The following NOL4 variants were observed in gnomAD, a reference collection of about 807,000 sequenced individuals.
The protein encoded by NOL4 is cancer/testis antigen 125.
Under a neutral mutation model 75.9 loss-of-function variants are expected in NOL4, and 17 were observed. The observed-to-expected ratio is 0.22, with a 90% CI of 0.15 to 0.34. The LOEUF (loss-of-function observed/expected upper bound fraction) is 0.34, where lower values mean the gene tolerates loss of function less well. Among genes scored for constraint, NOL4 ranks in the 10% least tolerant of loss-of-function variants. The pLI is 1.00. For missense variants in NOL4, 614 were observed against 793.5 expected (o/e 0.77, Z 2.72); for synonymous variants, 292 against 289.9 (o/e 1.01, Z -0.07).
chr18:33,993,441 T>C (rs1193171831), intron 6 of NOL4, among the ~76,000 whole-genome samples: 1 of 151,760 alleles, frequency 6.6e-6, no homozygotes, highest in African/African-American at 2.4e-5. Flanking sequence ...ATCAAGAAAG[T>C]CACTAACCAA....
At position 34,168,356 on chromosome 18, in the gene NOL4, T is replaced by C. The variant is rs2032650021; in HGVS notation, c.265-38336A>G. Reference sequence around the variant, plus strand: ...GTTTAAAAAGTTAAAATAAGAGATATAAATAAATTTTTTTTAGCCAGAAAA... The same window carrying C: ...GTTTAAAAAGTTAAAATAAGAGATACAAATAAATTTTTTTTAGCCAGAAAA... On this transcript the variant is annotated intron_variant, in intron 1 of 10. Transcript: ENST00000261592. Among the ~76,000 whole-genome samples, 4 of 151,686 alleles carry C rather than the reference T, an allele frequency of 2.6e-5. No individual in the cohort carries two copies. The South Asian group carries it at 8.3e-4, about 31-fold the overall frequency.
At chr18:34,122,417 T>A (rs1424599403) in intron 2 of NOL4, among the ~76,000 whole-genome samples, 1 of 152,054 alleles carries the variant, frequency 6.6e-6, no homozygotes, top group Non-Finnish European at 1.5e-5. Context: ...AGAAGTAAGC[T>A]TTTCATTACC....
At chr18:34,171,849 T>C (rs1209913148) in intron 1 of NOL4, among the ~76,000 whole-genome samples, 2 of 152,154 alleles carry the variant, frequency 1.3e-5, no homozygotes, top group Non-Finnish European at 1.5e-5. Context: ...AGCATTAAAT[T>C]AAGACTCTTA....
At chr18:34,079,121 T>C (rs941255693) in intron 5 of NOL4, among the ~76,000 whole-genome samples, 2 of 152,290 alleles carry the variant, frequency 1.3e-5, no homozygotes, top group Middle Eastern at 3.4e-3. Context: ...GTAACTTTTG[T>C]CAGGATTCTA....
At chr18:34,013,427 C>T (rs2074493289) in intron 6 of NOL4, among the ~76,000 whole-genome samples, 1 of 151,906 alleles carries the variant, frequency 6.6e-6, no homozygotes, top group South Asian at 2.1e-4. Flanking sequence ...AAAACACAAT[C>T]TGACCACACT....
chr18:33,925,546 T>C (rs369277205), intron 9 of NOL4, among the ~76,000 whole-genome samples: 12 of 152,284 alleles, frequency 7.9e-5, no homozygotes, highest in African/African-American at 2.4e-4. Flanking sequence ...ATTAATGATA[T>C]AAAAATGCAA....
intron 2 of NOL4, among the ~76,000 whole-genome samples, chr18:34,117,213 A>G (rs776531957): frequency 9.2e-5 from 14 of 152,176 alleles, no homozygotes; most frequent in Admixed American, 8.5e-4. Flanking sequence ...CATGATCACT[A>G]TCATGATCTC....
chr18:34,187,738 A>G (rs1324105429), intron 1 of NOL4, among the ~76,000 whole-genome samples: 1 of 152,158 alleles, frequency 6.6e-6, no homozygotes, highest in African/African-American at 2.4e-5. Flanking sequence ...ATACCAGTTT[A>G]TTTAGCCAAT....
intron 3 of NOL4, 29 bp downstream of exon 3, chr18:34,105,020 T>C (rs1227155982): frequency 7.2e-7 from 1 of 1,392,468 alleles, no homozygotes; most frequent in African/African-American, 1.4e-5. Flanking sequence ...AAAATTACTT[T>C]AAATCTCACT....
intron 5 of NOL4, among the ~76,000 whole-genome samples, chr18:34,045,923 C>T (rs2076342309): frequency 6.6e-6 from 1 of 152,118 alleles, no homozygotes; most frequent in African/African-American, 2.4e-5. Flanking sequence ...AAAATACACA[C>T]ATCAACCATC....
At chr18:34,070,339 A>G (rs1416713152) in intron 5 of NOL4, among the ~76,000 whole-genome samples, 4 of 152,178 alleles carry the variant, frequency 2.6e-5, no homozygotes, top group Non-Finnish European at 4.4e-5. Flanking sequence ...TTTTTACACT[A>G]TAAAGTTTCA....
chr18:33,947,302 T>C (rs1366522646), intron 8 of NOL4, among the ~76,000 whole-genome samples: 1 of 151,754 alleles, frequency 6.6e-6, no homozygotes, highest in Non-Finnish European at 1.5e-5. Flanking sequence ...CTTATTCTAA[T>C]GTCACCACAG....
chr18:34,146,381 T>A (rs1487630870), intron 1 of NOL4, among the ~76,000 whole-genome samples: 1 of 152,188 alleles, frequency 6.6e-6, no homozygotes, highest in African/African-American at 2.4e-5. Context: ...AAGTCTTTAA[T>A]CCATCTTGAG....
intron 1 of NOL4, among the ~76,000 whole-genome samples, chr18:34,181,355 A>C (rs1289004813): frequency 6.6e-6 from 1 of 151,582 alleles, no homozygotes; most frequent in African/African-American, 2.4e-5. Context: ...TGCTGTGACT[A>C]CTAGATATGC....
intron 5 of NOL4, among the ~76,000 whole-genome samples, chr18:34,024,754 T>C (rs749552046): frequency 1.3e-5 from 2 of 152,128 alleles, no homozygotes; most frequent in Non-Finnish European, 1.5e-5. Context: ...TTTCGAATAA[T>C]AGATGTGTAT....
intron 1 of NOL4, among the ~76,000 whole-genome samples, chr18:34,139,396 T>G (rs2081043535): frequency 6.6e-6 from 1 of 152,182 alleles, no homozygotes; most frequent in African/African-American, 2.4e-5. Context: ...TCTTCCTGGT[T>G]TAGTCTTGGG....
intron 10 of NOL4, among the ~76,000 whole-genome samples, chr18:33,868,069 G>C (rs1476138667): frequency 6.7e-6 from 1 of 148,524 alleles, no homozygotes; most frequent in Non-Finnish European, 1.5e-5. Context: ...AGAGAGTCTT[G>C]CTCTGTTGCC....
intron 5 of NOL4, among the ~76,000 whole-genome samples, chr18:34,055,379 G>A (rs1467250681): frequency 6.6e-6 from 1 of 152,026 alleles, no homozygotes; most frequent in Non-Finnish European, 1.5e-5. Flanking sequence ...GTTGGCTGTA[G>A]TATTCTTGGT....
rs577910889 is a variant in NOL4 at position 34,193,852 on chromosome 18, T to C, written c.264+29138A>G. ...CAACCAGTGTCCATCAACAGATGAA[T>C]GGATAAAGAAAATGTGGTATGCATA... On this transcript the variant is annotated intron_variant, in intron 1 of 10. Transcript: ENST00000261592. 2.6e-5 allele frequency among the ~76,000 whole-genome samples: 4 copies of C among 152,218 alleles called. No homozygotes were observed. The East Asian group carries it at 7.7e-4, about 29-fold the overall frequency.
Sources: gnomAD v4.1 joint callset for allele counts (sites outside exome capture counted in the v4.1 genomes callset) on GRCh38, gnomAD v4.1.1 for gene constraint, MANE v1.5 for transcripts, NCBI Gene and HGNC (gene_info 2026-07-23, HGNC 2026-07-21) for gene names.